ANKS1A: variants seen among roughly 807,000 people sequenced by gnomAD.
The protein encoded by ANKS1A is ankyrin repeat and SAM domain-containing protein 1A.
ANKS1A carries 55 observed loss-of-function variants against 120.3 expected under a neutral mutation model. The observed-to-expected ratio is 0.46, with a 90% CI of 0.37 to 0.57. ANKS1A has a LOEUF of 0.57. Among genes scored for constraint, ANKS1A ranks in the 20% least tolerant of loss-of-function variants. The pLI is 0.00. For synonymous variants in ANKS1A, 590 were observed against 604.7 expected (o/e 0.98, Z 0.36); for missense variants, 1,123 against 1,480.3 (o/e 0.76, Z 3.96).
At chr6:34,945,983 A>ATT (rs770638824) in intron 1 of ANKS1A, among the ~76,000 whole-genome samples, 14 of 128,916 alleles carry the variant, frequency 1.1e-4, no homozygotes, top group African/African-American at 2.2e-4. Context: ...ATTTTTATTT[A>ATT]TTTTTTTTTT....
At chr6:35,096,692 C>T in the ANKS1A span, among the ~76,000 whole-genome samples, 4 of 152,178 alleles carry the variant, frequency 2.6e-5, no homozygotes, top group Admixed American at 2.6e-4. Context: ...AGACGCCTGA[C>T]ATTCTCTGGT....
chr6:34,915,616 G>A (rs894291968), intron 1 of ANKS1A, among the ~76,000 whole-genome samples: 3 of 152,118 alleles, frequency 2.0e-5, no homozygotes, highest in Non-Finnish European at 4.4e-5. Flanking sequence ...CAAAGGGCAG[G>A]GATTACAGGC....
intron 10 of ANKS1A, among the ~76,000 whole-genome samples, chr6:34,998,210 C>G (rs1772954495): frequency 6.6e-6 from 1 of 152,194 alleles, no homozygotes; most frequent in Non-Finnish European, 1.5e-5. Context: ...GTAGGTATTA[C>G]TGAATCTTTT....
intron 1 of ANKS1A, among the ~76,000 whole-genome samples, chr6:34,949,476 A>G (rs1048295756): frequency 6.6e-6 from 1 of 152,226 alleles, no homozygotes; most frequent in Non-Finnish European, 1.5e-5. Context: ...ACAGCATCAT[A>G]GAGAATGTTT....
chr6:35,048,639 A>G (rs1196640674), intron 11 of ANKS1A, among the ~76,000 whole-genome samples: 2 of 152,172 alleles, frequency 1.3e-5, no homozygotes, highest in African/African-American at 4.8e-5. Flanking sequence ...CCTTTTTCAG[A>G]TGTGGAATCA....
chr6:34,934,738 T>C (rs1194119329), intron 1 of ANKS1A, among the ~76,000 whole-genome samples: 1 of 152,262 alleles, frequency 6.6e-6, no homozygotes, highest in Non-Finnish European at 1.5e-5. Flanking sequence ...CTTACACATG[T>C]GAAACCTGTT....
intron 1 of ANKS1A, among the ~76,000 whole-genome samples, chr6:34,922,882 C>A (rs540348247): frequency 6.6e-6 from 1 of 151,930 alleles, no homozygotes; most frequent in South Asian, 2.1e-4. Context: ...TTAGTAGAGA[C>A]GGGGTTTCAC....
At chr6:34,947,470 CGTCTCTTGTGCTTCTG>C (rs2127489926) in intron 1 of ANKS1A, among the ~76,000 whole-genome samples, 1 of 152,090 alleles carries the variant, frequency 6.6e-6, no homozygotes, top group Non-Finnish European at 1.5e-5. Flanking sequence ...CTCTCTGTTG[CGTCTCTTGTGCTTCTG>C]AAATAGAATA....
At chr6:35,027,467 G>C (rs1774686840) in intron 11 of ANKS1A, among the ~76,000 whole-genome samples, 1 of 152,206 alleles carries the variant, frequency 6.6e-6, no homozygotes, top group South Asian at 2.1e-4. Flanking sequence ...AAGGTGGTCT[G>C]TGTGTATGCA....
At chr6:34,979,253 C>T (rs1771774573) in intron 3 of ANKS1A, among the ~76,000 whole-genome samples, 1 of 152,196 alleles carries the variant, frequency 6.6e-6, no homozygotes, top group Non-Finnish European at 1.5e-5. Context: ...TTGAGAATCA[C>T]TGATAGTTCT....
chr6:34,963,492 A>G (rs1054130699), intron 1 of ANKS1A, among the ~76,000 whole-genome samples: 6 of 152,226 alleles, frequency 3.9e-5, no homozygotes, highest in African/African-American at 9.6e-5. Flanking sequence ...TTGTTTATAT[A>G]TACCACATCT....
At position 35,089,959 on chromosome 6, in the gene ANKS1A, G is replaced by A; in HGVS notation, c.*1350G>A. On this transcript the variant is annotated 3_prime_UTR_variant, in exon 24 of 24. Coordinates refer to ENST00000360359, the MANE Select transcript of ANKS1A (RefSeq NM_015245.3). ...TCCTCTTTCCCAGCCAGCAAAGGCT[G>A]TGAATTTGAATTCTTTGTTGGTATG... The A allele has an allele frequency of 2.6e-6, 3 of 1,166,578 alleles. No homozygotes were observed. Among genetic ancestry groups the A allele is most frequent in the Non-Finnish European group, 3.2e-6 (3 of 929,250 alleles). 72.3% of individuals were successfully genotyped at this position (1,166,578 alleles called of 1,614,324 possible).
In ANKS1A at chr6:35,085,098, C is replaced by A. The variant is rs771631459; in HGVS notation, c.3133-668C>A. On this transcript the variant is annotated intron_variant, in intron 21 of 23. Coordinates refer to ENST00000360359, the MANE Select transcript of ANKS1A (RefSeq NM_015245.3). The surrounding 1 kb of genome is among the most constrained non-coding windows in gnomAD (Gnocchi z 4.7). The stretch of plus-strand genomic sequence containing the variant: ...CCCCAGTCCTCTGTTTGCTCTGGGC[C>A]AGTGAAGGTTAGGAGGAACCAGGCT... Among the ~76,000 whole-genome samples the A allele has an allele frequency of 3.3e-5, 5 of 152,146 alleles. No individual in the cohort carries two copies. Among genetic ancestry groups the A allele is most frequent in the Admixed American group, 6.5e-5 (1 of 15,278 alleles).
chr6:34,954,509 CT>C (rs1361917331), intron 1 of ANKS1A, among the ~76,000 whole-genome samples: 2 of 152,148 alleles, frequency 1.3e-5, no homozygotes, highest in African/African-American at 4.8e-5. Context: ...GAAGGAACTC[CT>C]TGCTGGCTTT....
chr6:34,964,292 T>C (rs928538386), intron 1 of ANKS1A, among the ~76,000 whole-genome samples: 1 of 152,182 alleles, frequency 6.6e-6, no homozygotes, highest in Non-Finnish European at 1.5e-5. Context: ...AAAAGCACTA[T>C]GTGAATAGAT....
intron 10 of ANKS1A, among the ~76,000 whole-genome samples, chr6:35,006,473 G>A (rs536212835): frequency 1.6e-4 from 24 of 151,948 alleles, no homozygotes; most frequent in African/African-American, 4.8e-4. Context: ...AAAACATCTC[G>A]GCCAGGCGTG....
At chr6:34,965,203 T>C (rs1020483079) in intron 1 of ANKS1A, among the ~76,000 whole-genome samples, 1 of 152,340 alleles carries the variant, frequency 6.6e-6, no homozygotes, top group Non-Finnish European at 1.5e-5. Flanking sequence ...CTTTATAGTA[T>C]TTACAATTTT....
intron 13 of ANKS1A, among the ~76,000 whole-genome samples, chr6:35,072,653 C>T (rs1283362358): frequency 2.0e-5 from 3 of 152,224 alleles, no homozygotes; most frequent in Non-Finnish European, 4.4e-5. Flanking sequence ...TGAACCCACT[C>T]ACCTCTAAGA....
intron 11 of ANKS1A, among the ~76,000 whole-genome samples, chr6:35,046,716 G>A (rs1417396269): frequency 1.3e-5 from 2 of 152,134 alleles, no homozygotes; most frequent in Non-Finnish European, 2.9e-5. Flanking sequence ...ACACTTTAAC[G>A]TGTATATGAT....
Sources: allele counts gnomAD v4.1 joint callset (sites outside exome capture counted in the v4.1 genomes callset), GRCh38; gene constraint gnomAD v4.1.1; non-coding constraint Gnocchi (gnomAD v3.1); transcripts MANE v1.5; gene names NCBI Gene and HGNC (gene_info 2026-07-23, HGNC 2026-07-21).